The following CCDC198 variants were observed in gnomAD, a reference collection of about 807,000 sequenced individuals.
The protein encoded by CCDC198 is factor associated with metabolism and energy.
A neutral mutation model predicts 35.6 loss-of-function variants in CCDC198; 18 were observed. The observed-to-expected ratio is 0.51, with a 90% CI of 0.35 to 0.75. The LOEUF is 0.75. CCDC198 is among the 30% of genes least tolerant of loss of function. CCDC198 has a pLI of 0.01. For missense variants in CCDC198, 365 were observed against 343.7 expected (o/e 1.06, Z -0.49); for synonymous variants, 119 against 113.4 (o/e 1.05, Z -0.31).
intron 4 of CCDC198, 114 bp from the exon 5 acceptor site, chr14:57,480,868 C>G (rs558653115): frequency 1.4e-5 from 14 of 985,520 alleles, no homozygotes; most frequent in Middle Eastern, 2.6e-4. Flanking sequence ...CATCTGCAGT[C>G]CTCTAACCAG....
chr14:57,483,143 T>A lies in CCDC198; in HGVS notation c.315A>T (p.Glu105Asp), dbSNP rs145357859. The A allele has an allele frequency of 9.5e-5, 153 of 1,614,014 alleles. No homozygotes were observed. The African/African-American group carries it at 1.7e-3, about 18-fold the overall frequency. Residue 105 changes from glutamate (E) to aspartate (D), a missense_variant, in exon 3 of 6, where the codon GAA becomes GAT. Transcript: ENST00000216445. ...TAATTACTCGTGGCAAGTCAATGGG[T>A]TCAAGCTTCTAGAAGTTCAACGTTT... Reference protein sequence around the residue: ...RHPPQRLQKLEPIDLPRVITS... With the variant: ...RHPPQRLQKLDPIDLPRVITS...
chr14:57,478,311 G>A (rs960081258), intron 5 of CCDC198: 3 of 252,058 alleles, frequency 1.2e-5, no homozygotes, highest in Admixed American at 6.5e-5. Context: ...CTGTGTGAGA[G>A]TGCAAGTCAA....
rs555953601 is a variant in CCDC198, at chr14:57,490,755, G to A, written c.306+234C>T. 3.3e-5 allele frequency among the ~76,000 whole-genome samples: 5 copies of A among 152,174 alleles called. No homozygotes were observed. In the South Asian group the frequency reaches 1.0e-3, roughly 32 times the overall value. On this transcript the variant is annotated intron_variant, in intron 2 of 5. Transcript: ENST00000216445. ...AGATTCAAGCCTCTTGAATTCCATG[G>A]TATCTATGTCCTTGCTACTAGCTTC... is the stretch of plus-strand genomic sequence containing the variant.
rs952072790 is a variant in CCDC198, at chr14:57,493,285, C to G, written c.223+208G>C. On this transcript the variant is annotated intron_variant, in intron 1 of 5. Transcript: ENST00000216445. ...ATGGAATAGTGAAAAGTCCTTTGTA[C>G]AGTTTATACTCCCATTCTAATGAAC... Among the ~76,000 whole-genome samples the G allele has an allele frequency of 1.8e-4, 28 of 152,130 alleles. 1 individual carries two copies. The highest frequency in any genetic ancestry group is 2.9e-5 in the Non-Finnish European group (2 of 68,026).
intron 3 of CCDC198, among the ~76,000 whole-genome samples, chr14:57,482,132 A>G (rs555203145): frequency 6.6e-6 from 1 of 152,332 alleles, no homozygotes; most frequent in South Asian, 2.1e-4. Context: ...ATATGCCAGC[A>G]TAAGCCTTGG....
In CCDC198 at chr14:57,493,511, A is replaced by G; in HGVS notation, c.205T>C (p.Tyr69His). ...TGTTTACCTGTAGAATATCTTCCAT[A>G]CCAGTTTTCTTGTAAAGGTGGCAGC... Reference protein sequence around the residue: ...GQLPPLQENWYGRYSTASRDM... With the variant: ...GQLPPLQENWHGRYSTASRDM... The change falls in exon 1 of 6, where the codon TAT (tyrosine) becomes CAT (histidine). Residue 69 changes from tyrosine to histidine, a missense_variant. Transcript: ENST00000216445. The G allele has an allele frequency of 6.2e-7, 1 of 1,613,800 alleles. No individual in the cohort carries two copies.
intron 2 of CCDC198, 181 bp from the exon 3 acceptor site, chr14:57,483,332 C>G (rs1443990034): frequency 1.2e-6 from 1 of 862,362 alleles, no homozygotes. Flanking sequence ...TTCAACCTAT[C>G]TGGGTTCTTT....
chr14:57,481,508 A>G, intron 4 of CCDC198, 51 bp downstream of exon 4: 1 of 1,214,852 alleles, frequency 8.2e-7, no homozygotes, highest in East Asian at 2.3e-5. Flanking sequence ...GTGGCAGGGC[A>G]GTGATTATGT....
intron 5 of CCDC198, among the ~76,000 whole-genome samples, chr14:57,476,506 C>T (rs2067002471): frequency 6.6e-6 from 1 of 152,118 alleles, no homozygotes; most frequent in South Asian, 2.1e-4. Context: ...ATCTCATAGA[C>T]TTGTACACCA....
chr14:57,481,545 C>T lies in CCDC198; in HGVS notation c.495+14G>A. The T allele has an allele frequency of 6.4e-7, 1 of 1,573,306 alleles. No homozygotes were observed. The highest frequency in any genetic ancestry group is 1.1e-5 in the South Asian group (1 of 89,874). On this transcript the variant is annotated intron_variant, in intron 4 of 5. Transcript: ENST00000216445. ...ATGAAAATTTGGTAAATATGACACT[C>T]TTCTCGTATTTACCTCTTGTCTTTT...
chr14:57,478,232 C>T (rs1394685750), intron 5 of CCDC198, among the ~76,000 whole-genome samples: 1 of 152,180 alleles, frequency 6.6e-6, no homozygotes. Flanking sequence ...GGACTCACAA[C>T]CCCCACATTT....
intron 1 of CCDC198, among the ~76,000 whole-genome samples, chr14:57,492,615 G>A (rs542303998): frequency 4.0e-5 from 6 of 151,804 alleles, no homozygotes; most frequent in Admixed American, 1.3e-4. Context: ...ACAACCAAAC[G>A]TTATCAATTC....
intron 5 of CCDC198, among the ~76,000 whole-genome samples, chr14:57,477,527 A>G (rs1419528358): frequency 6.6e-6 from 1 of 152,208 alleles, no homozygotes; most frequent in Non-Finnish European, 1.5e-5. Context: ...GTTACAAAGA[A>G]AAAGATTCTC....
At position 57,471,182 on chromosome 14, in the gene CCDC198, C is replaced by T. The variant is rs1022175778; in HGVS notation, c.*173G>A. On this transcript the variant is annotated 3_prime_UTR_variant, in exon 6 of 6. Transcript: ENST00000216445. ...TGTTTTGAGGCATTTAGTTATGCAG[C>T]AATAGTTAACAGCACATGTGACGGA... The T allele has an allele frequency of 7.3e-6, 4 of 550,160 alleles. No homozygotes were observed. Among genetic ancestry groups the T allele is most frequent in the Admixed American group, 3.6e-5 (1 of 27,454 alleles). The allele number at this position is 550,160 out of a possible 1,614,324, so 34.1% of individuals were successfully genotyped here.
intron 1 of CCDC198, 140 bp downstream of exon 1, chr14:57,493,353 T>C (rs2067641936): frequency 1.4e-6 from 1 of 697,012 alleles, no homozygotes; most frequent in East Asian, 2.6e-5. Context: ...TTGAAAGATT[T>C]GAGTTTTCAA....
rs1177400111 is a variant in CCDC198 at position 57,469,479 on chromosome 14, G to A, written c.*1876C>T. On this transcript the variant is annotated 3_prime_UTR_variant, in exon 6 of 6. Coordinates refer to ENST00000216445, the MANE Select transcript of CCDC198 (RefSeq NM_018168.4). The stretch of plus-strand genomic sequence containing the variant: ...TCACATAACAGAATGGTGAAGACGT[G>A]CCTTTGGCTCCACTAATTTTAGTGT... The A allele has an allele frequency of 2.0e-5, 3 of 152,190 alleles. No homozygotes were observed. Among genetic ancestry groups the A allele is most frequent in the Non-Finnish European group, 2.9e-5 (2 of 68,036 alleles). The allele number at this position is 152,190 out of a possible 1,614,324, so 9.4% of individuals were successfully genotyped here. A position where few individuals can be genotyped will look rare whatever the true frequency, so the allele number is the denominator to read the frequency against.
intron 5 of CCDC198, among the ~76,000 whole-genome samples, chr14:57,472,134 T>C (rs1278420709): frequency 6.6e-6 from 1 of 152,168 alleles, no homozygotes; most frequent in Non-Finnish European, 1.5e-5. Flanking sequence ...ATAACTACTT[T>C]TTATTTGCTG....
At chr14:57,487,395 T>C (rs1304421051) in intron 2 of CCDC198, among the ~76,000 whole-genome samples, 9 of 152,098 alleles carry the variant, frequency 5.9e-5, no homozygotes, top group Admixed American at 5.2e-4. Flanking sequence ...GGGTGGGTCT[T>C]ATAGGGACAG....
intron 5 of CCDC198, among the ~76,000 whole-genome samples, chr14:57,476,347 G>T (rs930004181): frequency 6.6e-6 from 1 of 152,072 alleles, no homozygotes; most frequent in Admixed American, 6.6e-5. Flanking sequence ...GACAAGAAAA[G>T]GTCCCTGCCT....
Sources: gnomAD v4.1 joint callset for allele counts (sites outside exome capture counted in the v4.1 genomes callset) on GRCh38, gnomAD v4.1.1 for gene constraint, MANE v1.5 for transcripts, NCBI Gene and HGNC (gene_info 2026-07-23, HGNC 2026-07-21) for gene names.